Variants in AKAP9 observed in about 807,000 individuals in gnomAD.
AKAP9 encodes A-kinase anchoring protein 9.
A neutral mutation model predicts 488.5 loss-of-function variants in AKAP9; 311 were observed. That is an observed-to-expected ratio of 0.64 (90% CI 0.58 to 0.70). AKAP9 has a LOEUF of 0.70. AKAP9 is among the 30% of genes least tolerant of loss of function. The pLI, the probability that AKAP9 is intolerant of heterozygous loss-of-function variation, is 0.00. For synonymous variants in AKAP9, 1,462 were observed against 1,483.5 expected (o/e 0.99, Z 0.33); for missense variants, 4,215 against 4,374.5 (o/e 0.96, Z 1.03).
intron 24 of AKAP9, 49 bp from the exon 25 acceptor site, chr7:92,065,182 A>T: frequency 3.2e-6 from 4 of 1,260,280 alleles, no homozygotes; most frequent in Non-Finnish European, 4.5e-6. Context: ...TCATTATCAT[A>T]AGATCATTAA....
At chr7:92,074,387 A>G (rs1377219494) in intron 28 of AKAP9, among the ~76,000 whole-genome samples, 2 of 152,214 alleles carry the variant, frequency 1.3e-5, no homozygotes, top group Non-Finnish European at 2.9e-5. Context: ...GATGTGGAGA[A>G]ATAGGAACAC....
intron 7 of AKAP9, among the ~76,000 whole-genome samples, chr7:91,997,857 T>A (rs1297961317): frequency 6.6e-6 from 1 of 152,202 alleles, no homozygotes; most frequent in East Asian, 1.9e-4. Context: ...ATATACATTT[T>A]TTTAAATTTT....
intron 26 of AKAP9, 98 bp downstream of exon 26, chr7:92,066,644 T>C: frequency 6.9e-7 from 1 of 1,439,318 alleles, no homozygotes; most frequent in Admixed American, 1.7e-5. Flanking sequence ...TTCTTTCCTT[T>C]GTATGTAAAT....
rs754974720 is a variant in AKAP9 at position 92,023,004 on chromosome 7, G to A, written c.4143G>A (p.Pro1381=). Residue 1381 remains proline, a synonymous_variant, in exon 14 of 50, where the codon CCG becomes CCA. Coordinates refer to ENST00000356239, the MANE Select transcript of AKAP9 (RefSeq NM_005751.5). ...RLQAVSESTV[P]PSLPVDSVVI... is the part of the protein sequence containing the mutation. ...AAGCTGTTAGTGAGTCCACGGTTCC[G>A]CCAAGGTATTCATCTGCTTATAGCT... 7.8e-5 allele frequency: 126 copies of A among 1,613,152 alleles called. No homozygotes were observed. Among genetic ancestry groups the A allele is most frequent in the Admixed American group, 3.5e-4 (21 of 59,998 alleles).
chr7:91,941,263 T>G (rs1584496172), intron 1 of AKAP9, 116 bp downstream of exon 1: 1 of 1,002,652 alleles, frequency 1.0e-6, no homozygotes, highest in Non-Finnish European at 1.5e-6. Context: ...GAGAGGGAGG[T>G]GCTGCAGGGT....
chr7:92,094,741 G>T (rs1365716586), intron 39 of AKAP9, among the ~76,000 whole-genome samples: 1 of 152,172 alleles, frequency 6.6e-6, no homozygotes, highest in African/African-American at 2.4e-5. Context: ...GCTGAGGCAG[G>T]AGAATTGCTT....
chr7:92,053,414 C>T (rs892086371), intron 22 of AKAP9, among the ~76,000 whole-genome samples: 1 of 152,088 alleles, frequency 6.6e-6, no homozygotes, highest in African/African-American at 2.4e-5. Flanking sequence ...TTAAATAAAT[C>T]AGAAGTGGTC....
chr7:91,980,926 T>G (rs1242010207), intron 3 of AKAP9, among the ~76,000 whole-genome samples: 1 of 152,166 alleles, frequency 6.6e-6, no homozygotes, highest in Non-Finnish European at 1.5e-5. Flanking sequence ...AACTATTCTG[T>G]ACTCTGAATG....
intron 31 of AKAP9, among the ~76,000 whole-genome samples, chr7:92,081,163 G>A (rs1464338921): frequency 2.0e-5 from 3 of 151,884 alleles, no homozygotes; most frequent in Admixed American, 6.6e-5. Context: ...CTTCTAATAT[G>A]CATGTTATGT....
intron 16 of AKAP9, among the ~76,000 whole-genome samples, chr7:92,035,087 C>T (rs1010125445): frequency 1.5e-4 from 23 of 152,176 alleles, no homozygotes; most frequent in Non-Finnish European, 2.9e-5. Context: ...GAAAGCATAG[C>T]GTTACAGCTT....
intron 11 of AKAP9, 28 bp downstream of exon 11, chr7:92,016,295 C>T (rs772021593): frequency 1.4e-6 from 2 of 1,432,344 alleles, no homozygotes; most frequent in Non-Finnish European, 9.7e-7. Context: ...TACTATTAAA[C>T]AGTATTTAAT....
intron 48 of AKAP9, chr7:92,108,019 C>CA (rs60351982): frequency 2.6e-3 from 373 of 143,826 alleles, no homozygotes; most frequent in South Asian, 5.7e-3. Context: ...ATTTGGTCTC[C>CA]AAAAAAAAAA....
intron 1 of AKAP9, among the ~76,000 whole-genome samples, chr7:91,971,560 C>CTTTTTTTTTTTT (rs71107844): frequency 4.4e-5 from 3 of 68,542 alleles, no homozygotes; most frequent in South Asian, 6.3e-4. Flanking sequence ...ACATCTATTT[C>CTTTTTTTTTTTT]TTTTTTTTTT....
Position 92,016,133 on chromosome 7 carries a change from T to G in AKAP9, c.3617T>G (p.Leu1206Ter), listed in dbSNP as rs1412129064. ...SEECSYFLQT[L>*]CSVLGEYYTP... ...ACACAATTTTGTTGTTAACAGACTT[T>G]ATGCAGTGTCCTTGGTGAATATTAT... Residue 1206 changes from leucine to a stop codon, truncating the protein, a stop_gained, in exon 11 of 50, where the codon TTA (leucine) becomes TGA (stop). Coordinates refer to ENST00000356239, the MANE Select transcript of AKAP9 (RefSeq NM_005751.5). LOFTEE classifies it high-confidence loss of function. 6.2e-7 allele frequency: 1 copy of G among 1,602,858 alleles called. No individual in the cohort carries two copies. Among genetic ancestry groups the G allele is most frequent in the South Asian group, 1.1e-5 (1 of 90,748 alleles).
chr7:92,062,531 TTG>T, intron 24 of AKAP9, 45 bp downstream of exon 24: 1 of 1,554,766 alleles, frequency 6.4e-7, no homozygotes, highest in Non-Finnish European at 8.9e-7. Flanking sequence ...CTGATTTTAT[TTG>T]TATTCTTCAA....
intron 3 of AKAP9, among the ~76,000 whole-genome samples, chr7:91,984,155 T>TGGGAC (rs2130604667): frequency 1.3e-5 from 2 of 152,298 alleles, no homozygotes; most frequent in South Asian, 4.1e-4. Context: ...ATTTGTCTAT[T>TGGGAC]TTGGCTTTTG....
chr7:92,071,038 C>T (rs749433451), intron 28 of AKAP9, 29 bp downstream of exon 28: 15 of 1,524,058 alleles, frequency 9.8e-6, no homozygotes, highest in Admixed American at 5.0e-5. Context: ...AATGACACAG[C>T]GTGGTTTGAA....
Position 92,083,215 on chromosome 7 carries a change from G to C in AKAP9, c.8206G>C (p.Val2736Leu). ...MTSLQKDLSQVRDHLAEAKEK... is the reference protein window; with the variant it reads ...MTSLQKDLSQLRDHLAEAKEK... ...ATCTCTTCAGAAAGACTTAAGCCAAGTTAGGGATCACCTCGCAGAGGCAAA... is the reference window on the plus strand; with the variant it reads ...ATCTCTTCAGAAAGACTTAAGCCAACTTAGGGATCACCTCGCAGAGGCAAA... Residue 2736 changes from valine to leucine, a missense_variant, in exon 33 of 50, where the codon GTT (valine) becomes CTT (leucine). Physicochemically the swap from Val to Leu is conservative, Grantham distance 32. Around this residue, in one of 5 missense-constraint regions of AKAP9, gnomAD observed 1,476 missense variants for 1,477.4 expected, o/e 1.00. Coordinates refer to ENST00000356239, the MANE Select transcript of AKAP9 (RefSeq NM_005751.5). The C allele has an allele frequency of 6.2e-7, 1 of 1,614,072 alleles. No individual in the cohort carries two copies. The highest frequency in any genetic ancestry group is 2.2e-5 in the East Asian group (1 of 44,860).
intron 1 of AKAP9, among the ~76,000 whole-genome samples, chr7:91,953,507 C>T (rs1373322088): frequency 6.6e-6 from 1 of 152,240 alleles, no homozygotes; most frequent in South Asian, 2.1e-4. Context: ...AAAATGAGAA[C>T]AATAATAGTA....
Sources: allele counts gnomAD v4.1 joint callset (sites outside exome capture counted in the v4.1 genomes callset), GRCh38; gene constraint gnomAD v4.1.1; regional missense constraint gnomAD v4.1.1; transcripts MANE v1.5; gene names NCBI Gene and HGNC (gene_info 2026-07-23, HGNC 2026-07-21).